Variants in DCUN1D2 observed in about 807,000 individuals in gnomAD.
The protein encoded by DCUN1D2 is defective in cullin neddylation 1 domain containing 2.
A neutral mutation model predicts 30.9 loss-of-function variants in DCUN1D2; 29 were observed. The observed-to-expected ratio is 0.94, with a 90% CI of 0.70 to 1.28. DCUN1D2 has a LOEUF of 1.28. DCUN1D2 is among the 50% of genes most tolerant of loss of function. The pLI is 0.00. For missense variants in DCUN1D2, 325 were observed against 316.9 expected, an observed-to-expected ratio of 1.03 and a Z score of -0.19; for synonymous variants, 121 against 115.3, an observed-to-expected ratio of 1.05 and a Z score of -0.32.
At chr13:113,482,340 A>G (rs184932273) in intron 2 of DCUN1D2, among the ~76,000 whole-genome samples, 146 of 152,360 alleles carry the variant, frequency 9.6e-4, no homozygotes, top group Middle Eastern at 3.4e-3. Context: ...CTTATACACA[A>G]GTATTTTTTC....
intron 1 of DCUN1D2, among the ~76,000 whole-genome samples, chr13:113,485,115 A>T (rs1348133241): frequency 6.6e-6 from 1 of 151,994 alleles, no homozygotes; most frequent in Admixed American, 6.6e-5. Flanking sequence ...AAATAAAGTA[A>T]CCTGATAAAA....
upstream of DCUN1D2, chr13:113,491,075 G>GCTCCCTCCCGGACTCCCGGCCTCCCGGC (rs2044988673): frequency 1.3e-5 from 2 of 153,510 alleles, no homozygotes; most frequent in Admixed American, 1.3e-4. Context: ...GGCGGCGGCC[G>GCTCCCTCCCGGACTCCCGGCCTCCCGGC]CTCCCTCCCG....
At chr13:113,490,742 T>A, upstream of DCUN1D2, 1 of 1,160,108 alleles carries the variant, frequency 8.6e-7, no homozygotes, top group Non-Finnish European at 1.1e-6. This position sits in a 1 kb window ranked among gnomAD's most constrained non-coding sequence, Gnocchi z 5.2. Context: ...GCCCTCGTCC[T>A]CGGACGGCCG....
rs2139754531 is a variant in DCUN1D2, at chr13:113,488,624, G to A, written c.3+2043C>T. On this transcript the variant is annotated intron_variant, in intron 1 of 6. Coordinates refer to ENST00000478244, the MANE Select transcript of DCUN1D2 (RefSeq NM_001014283.2). This position sits in a 1 kb window ranked among gnomAD's most constrained non-coding sequence, Gnocchi z 4.3. ...TCAAATTTACAAAGGCCCAGACATT[G>A]GCAGTAAGCTTTGAGTGCACCAAGA... Among the ~76,000 whole-genome samples, 1 of 152,292 alleles carries A rather than the reference G, an allele frequency of 6.6e-6. No homozygotes were observed. Among genetic ancestry groups the A allele is most frequent in the South Asian group, 2.1e-4 (1 of 4,826 alleles).
intron 5 of DCUN1D2, among the ~76,000 whole-genome samples, chr13:113,460,047 G>A (rs954742087): frequency 6.6e-6 from 1 of 152,218 alleles, no homozygotes; most frequent in Non-Finnish European, 1.5e-5. Context: ...ACTTAGGTTT[G>A]ACCCCAGGTA....
rs759005772 is a variant in DCUN1D2, at chr13:113,480,647, G to A, written c.317C>T (p.Ala106Val). 14 of 1,613,928 alleles carry A rather than the reference G, an allele frequency of 8.7e-6. No individual in the cohort carries two copies. The highest frequency in any genetic ancestry group is 1.6e-4 in the Middle Eastern group (1 of 6,084). ...CTGAGTTGCTGCCCTGAACTTCCAC[G>A]CTATGACCAATACACTGATACTGGC... Reference protein sequence around the residue: ...DPASISVLVIAWKFRAATQCE... With the variant: ...DPASISVLVIVWKFRAATQCE... Residue 106 changes from alanine to valine, a missense_variant, in exon 3 of 7, where the codon GCG becomes GTG. Coordinates refer to ENST00000478244, the MANE Select transcript of DCUN1D2 (RefSeq NM_001014283.2).
chr13:113,487,927 G>T (rs148782141), intron 1 of DCUN1D2, among the ~76,000 whole-genome samples: 7 of 152,118 alleles, frequency 4.6e-5, no homozygotes, highest in African/African-American at 1.7e-4. Flanking sequence ...TATACTCTTC[G>T]GCGACTGAAT....
Position 113,461,850 on chromosome 13 carries a change from CATA to C in DCUN1D2, c.521-717_521-715del, listed in dbSNP as rs1208867165. Among the ~76,000 whole-genome samples, 663 of 152,340 alleles carry C rather than the reference CATA, an allele frequency of 4.4e-3. 5 individuals carry two copies. The highest frequency in any genetic ancestry group is 0.015 in the African/African-American group (631 of 41,568). On this transcript the variant is annotated intron_variant, in intron 4 of 6. Transcript: ENST00000478244. Reference sequence around the variant, plus strand: ...CCGAGTTTCAGGGCTGTCTCCAATCCATAGTTTGTGAAACACTGATTTATTCTC... The same window carrying C: ...CCGAGTTTCAGGGCTGTCTCCAATCCGTTTGTGAAACACTGATTTATTCTC...
rs539869759 is a variant in DCUN1D2 at position 113,456,357 on chromosome 13, C to T, written c.*1672G>A. On this transcript the variant is annotated 3_prime_UTR_variant, in exon 7 of 7. Transcript: ENST00000478244. The stretch of plus-strand genomic sequence containing the variant: ...TCTCTGCTAAGAAACATCGACAGTT[C>T]GTCCTGCAGCCTCCAAGCACACTAA... 281 of 398,766 alleles carry T rather than the reference C, an allele frequency of 7.0e-4. No individual in the cohort carries two copies. Among genetic ancestry groups the T allele is most frequent in the Non-Finnish European group, 9.7e-4 (219 of 226,182 alleles). The allele number at this position is 398,766 out of a possible 1,614,324, so 24.7% of individuals were successfully genotyped here. A position where few individuals can be genotyped will look rare whatever the true frequency, so the allele number is the denominator to read the frequency against.
chr13:113,462,777 G>C (rs926353995), intron 4 of DCUN1D2: 1 of 1,117,762 alleles, frequency 8.9e-7, no homozygotes, highest in Non-Finnish European at 1.1e-6. Context: ...AAGATGATTA[G>C]TCTTGTCCTG....
chr13:113,484,284 A>G, intron 1 of DCUN1D2: 1 of 900,152 alleles, frequency 1.1e-6, no homozygotes, highest in South Asian at 1.8e-5. Flanking sequence ...TATACAAAAT[A>G]CATTCTGATC....
intron 4 of DCUN1D2, among the ~76,000 whole-genome samples, chr13:113,471,911 G>C (rs539577960): frequency 7.2e-5 from 11 of 152,226 alleles, no homozygotes; most frequent in African/African-American, 1.2e-4. Flanking sequence ...ATGAGCAGGG[G>C]CTGCTGGGGA....
Position 113,484,030 on chromosome 13 carries a change from G to A in DCUN1D2, c.30C>T (p.Asp10=). The change falls in exon 2 of 7, where the codon GAC becomes GAT. Residue 10 remains aspartate, a synonymous_variant. Coordinates refer to ENST00000478244, the MANE Select transcript of DCUN1D2 (RefSeq NM_001014283.2). MHKLKSSQK[D]KVRQFMACTQ... Reference sequence around the variant, plus strand: ...TGCACGCCATAAACTGGCGGACCTTGTCCTTCTGAGACGATTTAAGCTTAT... The same window carrying A: ...TGCACGCCATAAACTGGCGGACCTTATCCTTCTGAGACGATTTAAGCTTAT... 6.2e-7 allele frequency: 1 copy of A among 1,614,024 alleles called. No individual in the cohort carries two copies.
rs1408804514 is a variant in DCUN1D2 at position 113,488,685 on chromosome 13, G to T, written c.3+1982C>A. Among the ~76,000 whole-genome samples the T allele has an allele frequency of 6.6e-6, 1 of 152,166 alleles. No individual in the cohort carries two copies. The highest frequency in any genetic ancestry group is 1.9e-4 in the East Asian group (1 of 5,200). ...CCCAGGTCAAATTAACAAAGGCCCA[G>T]ACGTTGGCAAGAAGCTTCGAGTGCA... On this transcript the variant is annotated intron_variant, in intron 1 of 6. Transcript: ENST00000478244. The surrounding 1 kb of genome is among the most constrained non-coding windows in gnomAD (Gnocchi z 4.3).
Position 113,457,693 on chromosome 13 carries a change from G to C in DCUN1D2, c.*336C>G, listed in dbSNP as rs3814255. The stretch of plus-strand genomic sequence containing the variant: ...GCTGCCGGACGCTGGTTCGCCTGAC[G>C]CGCGAGCTACGCAGCATGCTCTGCG... On this transcript the variant is annotated 3_prime_UTR_variant, in exon 7 of 7. Transcript: ENST00000478244. 5.6e-6 allele frequency: 1 copy of C among 177,938 alleles called. No individual in the cohort carries two copies. 11.0% of individuals were successfully genotyped at this position (177,938 alleles called of 1,614,324 possible).
At chr13:113,485,727 G>C (rs2044790837) in intron 1 of DCUN1D2, among the ~76,000 whole-genome samples, 1 of 152,038 alleles carries the variant, frequency 6.6e-6, no homozygotes, top group African/African-American at 2.4e-5. Context: ...TTCTGCAGAG[G>C]CATTAAGATA....
chr13:113,479,000 C>T (rs927238800), intron 3 of DCUN1D2: 1 of 152,136 alleles, frequency 6.6e-6, no homozygotes, highest in African/African-American at 2.4e-5. Flanking sequence ...GGCGTCAGCA[C>T]ATCCAGAATG....
At position 113,465,499 on chromosome 13, in the gene DCUN1D2, T is replaced by TAA. The variant is rs1348789557; in HGVS notation, c.521-4365_521-4364dup. On this transcript the variant is annotated intron_variant, in intron 4 of 6. Coordinates refer to ENST00000478244, the MANE Select transcript of DCUN1D2 (RefSeq NM_001014283.2). ...ACTGGGGTGAGGAAACAGAGAGAAG[T>TAA]AAAAAAAAAAAAACAAACAAACCCT... is the stretch of plus-strand genomic sequence containing the variant. 2.3e-3 allele frequency among the ~76,000 whole-genome samples: 300 copies of TAA among 131,868 alleles called. 1 individual carries two copies. The highest frequency in any genetic ancestry group is 8.1e-3 in the African/African-American group (292 of 35,988). 86.5% of individuals were successfully genotyped at this position (131,868 alleles called of 152,430 possible).
intron 3 of DCUN1D2, among the ~76,000 whole-genome samples, chr13:113,476,747 T>C (rs1436424290): frequency 6.6e-6 from 1 of 152,242 alleles, no homozygotes; most frequent in African/African-American, 2.4e-5. Context: ...AAAGACATTT[T>C]CCTACATTAT....
Sources: allele counts gnomAD v4.1 joint callset (sites outside exome capture counted in the v4.1 genomes callset), GRCh38; gene constraint gnomAD v4.1.1; non-coding constraint Gnocchi (gnomAD v3.1); transcripts MANE v1.5; gene names NCBI Gene and HGNC (gene_info 2026-07-23, HGNC 2026-07-21).